CDH4: variants seen among roughly 807,000 people sequenced by gnomAD.
CDH4 encodes cadherin 4.
CDH4 carries 33 observed loss-of-function variants against 86.0 expected under a neutral mutation model. The observed-to-expected ratio is 0.38, with a 90% CI of 0.29 to 0.51. CDH4 has a LOEUF of 0.51. Ranked by LOEUF, CDH4 falls within the 20% of genes least tolerant of loss-of-function variation. The pLI, the probability that CDH4 is intolerant of heterozygous loss-of-function variation, is 0.86. For missense variants in CDH4, 1,114 were observed against 1,307.4 expected (o/e 0.85, Z 2.28); for synonymous variants, 555 against 549.4 (o/e 1.01, Z -0.14).
intron 2 of CDH4, among the ~76,000 whole-genome samples, chr20:61,317,443 A>G (rs962492642): frequency 1.3e-5 from 2 of 152,166 alleles, no homozygotes; most frequent in African/African-American, 4.8e-5. Context: ...TGAAGTGTTT[A>G]TTAGCAGCCC....
Position 61,937,803 on chromosome 20 carries a change from G to C in CDH4, c.*860G>C, listed in dbSNP as rs531630821. The C allele has an allele frequency of 8.2e-6, 1 of 122,090 alleles. No homozygotes were observed. Among genetic ancestry groups the C allele is most frequent in the Non-Finnish European group, 1.7e-5 (1 of 57,184 alleles). The allele number at this position is 122,090 out of a possible 1,614,324, so 7.6% of individuals were successfully genotyped here. A position where few individuals can be genotyped will look rare whatever the true frequency, so the allele number is the denominator to read the frequency against. ...TGCCTTTGGTCCAGAAGAGTGAGTT[G>C]TCCAAACCAGCCAGCATCTGGCTCC... On this transcript the variant is annotated 3_prime_UTR_variant, in exon 16 of 16. Coordinates refer to ENST00000614565, the MANE Select transcript of CDH4 (RefSeq NM_001794.5).
intron 2 of CDH4, among the ~76,000 whole-genome samples, chr20:61,688,988 C>T (rs1021203769): frequency 6.6e-6 from 1 of 152,224 alleles, no homozygotes; most frequent in Non-Finnish European, 1.5e-5. Flanking sequence ...CCGAAAGCCC[C>T]ACTGGACCTG....
intron 2 of CDH4, among the ~76,000 whole-genome samples, chr20:61,465,300 TA>T (rs1195492607): frequency 6.6e-6 from 1 of 151,706 alleles, no homozygotes; most frequent in Non-Finnish European, 1.5e-5. Context: ...TTATGCATTT[TA>T]AAAAAAAGCT....
chr20:61,513,825 G>A (rs560677402), intron 2 of CDH4, among the ~76,000 whole-genome samples: 49 of 152,320 alleles, frequency 3.2e-4, no homozygotes, highest in African/African-American at 1.1e-3. Flanking sequence ...CACGGGCCTG[G>A]CATCTGAGCC....
intron 2 of CDH4, among the ~76,000 whole-genome samples, chr20:61,398,988 TGATGTGGGTTAAATGTG>T (rs1054797515): frequency 1.3e-5 from 2 of 152,226 alleles, no homozygotes; most frequent in African/African-American, 2.4e-5. Context: ...GGTTAAATGC[TGATGTGGGTTAAATGTG>T]GATGTGGGTT....
chr20:61,292,140 C>T (rs2084325273), intron 2 of CDH4, among the ~76,000 whole-genome samples: 1 of 152,168 alleles, frequency 6.6e-6, no homozygotes. Context: ...TGGATATATA[C>T]CCAGAGGAAT....
At chr20:61,850,493 A>G (rs1982663968) in intron 5 of CDH4, among the ~76,000 whole-genome samples, 1 of 152,236 alleles carries the variant, frequency 6.6e-6, no homozygotes, top group South Asian at 2.1e-4. Flanking sequence ...AGAGCAGCCA[A>G]GAGGCGGGAG....
intron 2 of CDH4, among the ~76,000 whole-genome samples, chr20:61,326,448 G>A (rs947749501): frequency 2.0e-5 from 3 of 152,232 alleles, no homozygotes; most frequent in Non-Finnish European, 2.9e-5. Context: ...CTAGCCAGAG[G>A]AGGATATGAC....
intron 4 of CDH4, among the ~76,000 whole-genome samples, chr20:61,827,200 C>G (rs1283510398): frequency 6.6e-6 from 1 of 152,062 alleles, no homozygotes; most frequent in African/African-American, 2.4e-5. Flanking sequence ...CCCTGAAAAT[C>G]AAAAGCAAAA....
intron 4 of CDH4, among the ~76,000 whole-genome samples, chr20:61,833,477 A>G (rs1172882603): frequency 6.6e-6 from 1 of 152,176 alleles, no homozygotes; most frequent in Non-Finnish European, 1.5e-5. Context: ...TTAAACCAAT[A>G]TTCAGCCCAC....
intron 2 of CDH4, among the ~76,000 whole-genome samples, chr20:61,303,937 A>G (rs2084399532): frequency 6.6e-6 from 1 of 152,136 alleles, no homozygotes. Context: ...CTCTTAAATA[A>G]TAGAGGCTAC....
intron 2 of CDH4, among the ~76,000 whole-genome samples, chr20:61,441,895 G>A (rs990738567): frequency 5.3e-5 from 8 of 152,088 alleles, no homozygotes; most frequent in Admixed American, 1.3e-4. Context: ...GGCACGGCAC[G>A]TTCATCCAGG....
chr20:61,599,320 G>T (rs1222924787), intron 2 of CDH4, among the ~76,000 whole-genome samples: 1 of 152,180 alleles, frequency 6.6e-6, no homozygotes, highest in Non-Finnish European at 1.5e-5. Flanking sequence ...TTCTGCTGGG[G>T]GACTCTGCAG....
chr20:61,740,744 G>A (rs1018104498), intron 2 of CDH4: 4 of 152,264 alleles, frequency 2.6e-5, no homozygotes, highest in African/African-American at 9.6e-5. Context: ...TGAGGACTCA[G>A]AATCACAAAT....
chr20:61,827,452 T>C (rs182432052), intron 4 of CDH4, among the ~76,000 whole-genome samples: 2 of 152,378 alleles, frequency 1.3e-5, no homozygotes, highest in Admixed American at 6.5e-5. Context: ...GAATAAGTAT[T>C]GAGGACCAGG....
intron 2 of CDH4, among the ~76,000 whole-genome samples, chr20:61,423,714 C>T (rs1334602613): frequency 1.3e-5 from 2 of 152,034 alleles, no homozygotes; most frequent in South Asian, 2.1e-4. Context: ...CACTTAAATC[C>T]TTTGATTTCT....
intron 2 of CDH4, among the ~76,000 whole-genome samples, chr20:61,353,519 G>A (rs367615322): frequency 3.3e-5 from 5 of 150,896 alleles, no homozygotes; most frequent in Admixed American, 6.6e-5. Flanking sequence ...ACAGAAAACC[G>A]AATATATTCC....
intron 9 of CDH4, among the ~76,000 whole-genome samples, chr20:61,922,654 C>T (rs992091438): frequency 2.0e-5 from 3 of 152,248 alleles, no homozygotes; most frequent in South Asian, 2.1e-4. Context: ...CACTGCCTGC[C>T]TCTCTCCCGT....
At chr20:61,536,968 G>A (rs62199199) in intron 2 of CDH4, among the ~76,000 whole-genome samples, 7,325 of 152,292 alleles carry the variant, frequency 0.048, 209 homozygotes, top group East Asian at 0.077. Context: ...GGGAGTGTCT[G>A]GCTCAAGACG....
Sources: allele counts gnomAD v4.1 joint callset (sites outside exome capture counted in the v4.1 genomes callset), GRCh38; gene constraint gnomAD v4.1.1; transcripts MANE v1.5; gene names NCBI Gene and HGNC (gene_info 2026-07-23, HGNC 2026-07-21).